CASR: variants seen among roughly 807,000 people sequenced by gnomAD.
CASR encodes extracellular calcium-sensing receptor.
A neutral mutation model predicts 69.1 loss-of-function variants in CASR; 23 were observed. The observed-to-expected ratio is 0.33, with a 90% CI of 0.24 to 0.47. The LOEUF (loss-of-function observed/expected upper bound fraction) is 0.47, where lower values mean the gene tolerates loss of function less well. CASR is among the 20% of genes least tolerant of loss of function. The probability of loss-of-function intolerance (pLI) is 1.00; values close to 1 mark genes in which losing one functional copy is unlikely to be tolerated. For missense variants in CASR, 924 were observed against 1,356.1 expected (o/e 0.68, Z 5.00); for synonymous variants, 541 against 544.7 (o/e 0.99, Z 0.10).
chr3:122,245,984 A>G (rs1387895036), intron 1 of CASR, among the ~76,000 whole-genome samples: 1 of 152,244 alleles, frequency 6.6e-6, no homozygotes, highest in Non-Finnish European at 1.5e-5. Context: ...TTCAGTAAGA[A>G]GAAGCTTGCC....
chr3:122,203,588 A>G (rs139008854), intron 1 of CASR, among the ~76,000 whole-genome samples: 63 of 152,384 alleles, frequency 4.1e-4, no homozygotes, highest in Non-Finnish European at 5.7e-4. Flanking sequence ...GTACATGTGT[A>G]TAATAAGGTA....
chr3:122,213,937 G>T (rs536136826), intron 1 of CASR, among the ~76,000 whole-genome samples: 1 of 152,248 alleles, frequency 6.6e-6, no homozygotes, highest in African/African-American at 2.4e-5. Context: ...TTCTAACCAG[G>T]ATCTGCCATT....
At chr3:122,243,925 GA>G (rs1663885677) in intron 1 of CASR, among the ~76,000 whole-genome samples, 1 of 151,990 alleles carries the variant, frequency 6.6e-6, no homozygotes, top group Non-Finnish European at 1.5e-5. Context: ...AGTAAGCCAC[GA>G]AGATGGACTT....
chr3:122,209,510 G>T, intron 1 of CASR, among the ~76,000 whole-genome samples: 1 of 152,218 alleles, frequency 6.6e-6, no homozygotes, highest in East Asian at 1.9e-4. Flanking sequence ...GATGGTGTCA[G>T]ACAAAGAGAG....
At chr3:122,208,275 C>T (rs962834540) in intron 1 of CASR, among the ~76,000 whole-genome samples, 4 of 152,130 alleles carry the variant, frequency 2.6e-5, no homozygotes, top group African/African-American at 9.7e-5. Flanking sequence ...AAGCTGGGCT[C>T]AAGTGATTCT....
intron 1 of CASR, chr3:122,184,386 A>G (rs914537397): frequency 2.6e-5 from 4 of 152,690 alleles, no homozygotes; most frequent in African/African-American, 9.6e-5. Flanking sequence ...AGCGAGCCAG[A>G]CGCGCCTCTC....
chr3:122,258,968 G>A (rs1417255492), intron 3 of CASR, among the ~76,000 whole-genome samples: 9 of 152,068 alleles, frequency 5.9e-5, no homozygotes, highest in African/African-American at 1.9e-4. Context: ...GGGGTATTTC[G>A]TATGCCAGCC....
chr3:122,194,362 A>G (rs929515529), intron 1 of CASR, among the ~76,000 whole-genome samples: 4 of 152,026 alleles, frequency 2.6e-5, no homozygotes, highest in Non-Finnish European at 5.9e-5. Flanking sequence ...GGCCGATCTC[A>G]TGCATCTCTG....
In CASR at chr3:122,290,129, G is replaced by A. The variant is rs2107655110; in HGVS notation, c.*4938G>A. The A allele has an allele frequency of 6.6e-6, 1 of 152,134 alleles. No individual in the cohort carries two copies. The highest frequency in any genetic ancestry group is 2.1e-4 in the South Asian group (1 of 4,804). The allele number at this position is 152,134 out of a possible 1,614,324, so 9.4% of individuals were successfully genotyped here. On this transcript the variant is annotated 3_prime_UTR_variant, in exon 7 of 7. Transcript: ENST00000639785. The stretch of plus-strand genomic sequence containing the variant: ...AAAACAATTTTATTGGTAGAGGCGG[G>A]GGGAATAATAGAGATACAGCACCAG...
At chr3:122,213,190 A>G (rs1455015010) in intron 1 of CASR, among the ~76,000 whole-genome samples, 1 of 152,136 alleles carries the variant, frequency 6.6e-6, no homozygotes, top group Non-Finnish European at 1.5e-5. Flanking sequence ...TTACACCATC[A>G]CATGTATTTC....
At chr3:122,227,847 A>G (rs995444595) in intron 1 of CASR, among the ~76,000 whole-genome samples, 3 of 152,240 alleles carry the variant, frequency 2.0e-5, no homozygotes, top group Non-Finnish European at 1.5e-5. Flanking sequence ...TACCCGTGTA[A>G]CAAACCTGTA....
chr3:122,236,578 A>G (rs565004080), intron 1 of CASR, among the ~76,000 whole-genome samples: 9 of 152,316 alleles, frequency 5.9e-5, no homozygotes, highest in African/African-American at 2.2e-4. Flanking sequence ...TGAAGGGACT[A>G]CTCAAGCAAA....
At chr3:122,264,972 C>A (rs913331029) in intron 4 of CASR, among the ~76,000 whole-genome samples, 4 of 152,210 alleles carry the variant, frequency 2.6e-5, no homozygotes, top group Admixed American at 1.3e-4. Flanking sequence ...TATAAGCCAA[C>A]CTGCATGACA....
chr3:122,258,594 G>C (rs114113126), intron 3 of CASR, among the ~76,000 whole-genome samples: 50 of 152,210 alleles, frequency 3.3e-4, no homozygotes, highest in African/African-American at 1.0e-3. Flanking sequence ...TTACCCCATG[G>C]CCAACAGGCT....
intron 1 of CASR, among the ~76,000 whole-genome samples, chr3:122,228,649 A>G (rs144010868): frequency 1.0e-3 from 153 of 152,356 alleles, no homozygotes; most frequent in African/African-American, 3.3e-3. Context: ...AAGGGGCTGA[A>G]CAGGACAGGA....
At chr3:122,224,509 A>G (rs932581963) in intron 1 of CASR, among the ~76,000 whole-genome samples, 2 of 152,214 alleles carry the variant, frequency 1.3e-5, no homozygotes, top group Non-Finnish European at 2.9e-5. Flanking sequence ...CTCAACAACA[A>G]AAATTACAAA....
intron 1 of CASR, among the ~76,000 whole-genome samples, chr3:122,185,553 C>T (rs930598014): frequency 1.3e-5 from 2 of 152,224 alleles, no homozygotes; most frequent in African/African-American, 2.4e-5. Context: ...CTTCCAAGTG[C>T]AGTTTAGGTA....
intron 4 of CASR, among the ~76,000 whole-genome samples, chr3:122,272,298 A>C (rs1014470215): frequency 6.6e-6 from 1 of 152,154 alleles, no homozygotes; most frequent in Non-Finnish European, 1.5e-5. Flanking sequence ...AATACTTTTT[A>C]ATGTGAAATC....
At chr3:122,200,206 C>T (rs1048957205) in intron 1 of CASR, among the ~76,000 whole-genome samples, 5 of 151,998 alleles carry the variant, frequency 3.3e-5, no homozygotes, top group Admixed American at 6.6e-5. Context: ...TACACCTGGT[C>T]GAAGAGCAGA....
Sources: gnomAD v4.1 joint callset for allele counts (sites outside exome capture counted in the v4.1 genomes callset) on GRCh38, gnomAD v4.1.1 for gene constraint, MANE v1.5 for transcripts, NCBI Gene and HGNC (gene_info 2026-07-23, HGNC 2026-07-21) for gene names.